Variants in IL23R observed in about 807,000 individuals in gnomAD.
IL23R encodes the protein interleukin 23 receptor.
A neutral mutation model predicts 56.9 loss-of-function variants in IL23R; 34 were observed. The ratio of observed to expected loss-of-function variants is 0.60; its 90% CI spans 0.45 to 0.80. IL23R has a LOEUF of 0.80. IL23R is among the 30% of genes least tolerant of loss of function. The pLI is 0.00. For missense variants in IL23R, 635 were observed against 730.0 expected (o/e 0.87, Z 1.50); for synonymous variants, 230 against 249.2 (o/e 0.92, Z 0.73).
intron 1 of IL23R, among the ~76,000 whole-genome samples, chr1:67,150,013 T>C (rs1646713961): frequency 6.6e-6 from 1 of 152,212 alleles, no homozygotes; most frequent in Admixed American, 6.5e-5. Context: ...CTAGGTTTAT[T>C]TTTCCTGATA....
intron 9 of IL23R, among the ~76,000 whole-genome samples, chr1:67,250,190 G>A (rs1487197581): frequency 1.3e-5 from 2 of 152,090 alleles, no homozygotes; most frequent in African/African-American, 4.8e-5. Flanking sequence ...CAGTAGTCTG[G>A]ATTACATGTT....
intron 9 of IL23R, among the ~76,000 whole-genome samples, chr1:67,245,607 A>G (rs1182674279): frequency 6.6e-6 from 1 of 152,182 alleles, no homozygotes; most frequent in Admixed American, 6.5e-5. Flanking sequence ...GTGATGGATT[A>G]CGTTTATTCA....
chr1:67,178,989 C>A (rs1283077811), intron 3 of IL23R, among the ~76,000 whole-genome samples: 1 of 152,122 alleles, frequency 6.6e-6, no homozygotes, highest in African/African-American at 2.4e-5. Flanking sequence ...GGTGGATAAG[C>A]TTTTTGATGT....
intron 10 of IL23R, 66 bp downstream of exon 10, chr1:67,255,993 G>A: frequency 1.1e-6 from 1 of 880,830 alleles, no homozygotes; most frequent in Non-Finnish European, 1.9e-6. Flanking sequence ...CTAATAATTA[G>A]AATAGAATTT....
In IL23R at chr1:67,198,829, C is replaced by T. The variant is rs908259494; in HGVS notation, c.492-1908C>T. 1.1e-4 allele frequency among the ~76,000 whole-genome samples: 16 copies of T among 152,230 alleles called. No homozygotes were observed. In the South Asian group the frequency reaches 1.9e-3, roughly 18 times the overall value. On this transcript the variant is annotated intron_variant, in intron 4 of 10. Coordinates refer to ENST00000347310, the MANE Select transcript of IL23R (RefSeq NM_144701.3). ...GCATGGTAGTACGTGCCTGTGGTCC[C>T]GGCTACTCAGGAGGCTGGGGTGGGA...
intron 3 of IL23R, 149 bp downstream of exon 3, chr1:67,169,787 A>G (rs867297674): frequency 1.3e-6 from 1 of 777,816 alleles, no homozygotes; most frequent in Non-Finnish European, 2.2e-6. Flanking sequence ...AAATGTCTCC[A>G]GGGCCAGGTT....
At chr1:67,239,075 A>G (rs1299535994) in intron 8 of IL23R, among the ~76,000 whole-genome samples, 1 of 152,172 alleles carries the variant, frequency 6.6e-6, no homozygotes, top group African/African-American at 2.4e-5. Flanking sequence ...ATGGCTCTAG[A>G]ACAAATTCCA....
intron 3 of IL23R, among the ~76,000 whole-genome samples, chr1:67,176,267 A>G (rs1431989070): frequency 2.0e-5 from 3 of 152,100 alleles, no homozygotes; most frequent in Non-Finnish European, 4.4e-5. Context: ...GGGAGACTGA[A>G]TTTAGGATAA....
rs759476112 is a variant in IL23R at position 67,258,769 on chromosome 1, C to T, written c.1531C>T (p.Pro511Ser). ...NNEITSLTLK[P>S]PVDSLDSGNN... ...TGAAATTACTTCCTTAACACTTAAA[C>T]CACCAGTTGATTCCTTAGACTCAGG... Residue 511 changes from proline to serine, a missense_variant, in exon 11 of 11, where the codon CCA becomes TCA. Coordinates refer to ENST00000347310, the MANE Select transcript of IL23R (RefSeq NM_144701.3). 1 of 1,610,934 alleles carries T rather than the reference C, an allele frequency of 6.2e-7. No homozygotes were observed. Among genetic ancestry groups the T allele is most frequent in the African/African-American group, 1.3e-5 (1 of 74,818 alleles).
intron 1 of IL23R, among the ~76,000 whole-genome samples, chr1:67,141,862 T>C (rs1253441790): frequency 1.3e-5 from 2 of 152,160 alleles, no homozygotes; most frequent in East Asian, 3.9e-4. Context: ...CAAACAGAGT[T>C]AAGCTACCTT....
chr1:67,227,277 T>A (rs1034091960), intron 7 of IL23R, among the ~76,000 whole-genome samples: 3 of 152,164 alleles, frequency 2.0e-5, no homozygotes, highest in African/African-American at 7.2e-5. Context: ...GTAATATAGA[T>A]CCCTTTTTAA....
At chr1:67,140,260 T>C (rs1263041566) in intron 1 of IL23R, among the ~76,000 whole-genome samples, 1 of 152,252 alleles carries the variant, frequency 6.6e-6, no homozygotes, top group South Asian at 2.1e-4. Flanking sequence ...TAGATCTGAT[T>C]TCATAAATAT....
At chr1:67,164,296 G>C (rs190530582), upstream of IL23R, among the ~76,000 whole-genome samples, 1 of 152,268 alleles carries the variant, frequency 6.6e-6, no homozygotes, top group African/African-American at 2.4e-5. Flanking sequence ...AGGAATTCGA[G>C]ACCAGCCTGG....
intron 10 of IL23R, among the ~76,000 whole-genome samples, chr1:67,256,341 A>G (rs1200513983): frequency 6.6e-6 from 1 of 152,214 alleles, no homozygotes; most frequent in Non-Finnish European, 1.5e-5. Flanking sequence ...CAAGAAGGGC[A>G]TCATTTTACT....
downstream of IL23R, among the ~76,000 whole-genome samples, chr1:67,264,947 G>C (rs937840148): frequency 1.1e-4 from 17 of 152,182 alleles, no homozygotes; most frequent in Non-Finnish European, 1.6e-4. Flanking sequence ...ACGGGGTTGG[G>C]GGGGAACCCT....
the IL23R span, among the ~76,000 whole-genome samples, chr1:67,264,985 C>A: frequency 6.6e-6 from 1 of 152,164 alleles, no homozygotes; most frequent in Non-Finnish European, 1.5e-5. Flanking sequence ...AAGCATAACT[C>A]TTTCCTGAGA....
intron 4 of IL23R, among the ~76,000 whole-genome samples, chr1:67,199,174 T>C (rs774328145): frequency 6.6e-6 from 1 of 152,234 alleles, no homozygotes; most frequent in African/African-American, 2.4e-5. Flanking sequence ...CAGTAGCTCA[T>C]GGAAGGTCTT....
At chr1:67,239,181 T>G (rs533022275) in intron 8 of IL23R, among the ~76,000 whole-genome samples, 1 of 152,360 alleles carries the variant, frequency 6.6e-6, no homozygotes, top group African/African-American at 2.4e-5. Flanking sequence ...GGGTAATATG[T>G]GTTGAATAAA....
At chr1:67,228,008 TTC>T (rs1245001732) in intron 7 of IL23R, among the ~76,000 whole-genome samples, 1 of 112,876 alleles carries the variant, frequency 8.9e-6, no homozygotes, top group African/African-American at 3.7e-5. Context: ...CTTTCTTTCT[TTC>T]TTTCTTTCTT....
Sources: allele counts gnomAD v4.1 joint callset (sites outside exome capture counted in the v4.1 genomes callset), GRCh38; gene constraint gnomAD v4.1.1; transcripts MANE v1.5; gene names NCBI Gene and HGNC (gene_info 2026-07-23, HGNC 2026-07-21).